SNX29: variants seen among roughly 807,000 people sequenced by gnomAD.
SNX29 encodes the protein sorting nexin-29.
SNX29 carries 78 observed loss-of-function variants against 102.1 expected under a neutral mutation model. The ratio of observed to expected loss-of-function variants is 0.76; its 90% confidence interval spans 0.64 to 0.92. The LOEUF (loss-of-function observed/expected upper bound fraction) is 0.92, where lower values mean the gene tolerates loss of function less well. SNX29 is among the 40% of genes least tolerant of loss of function. SNX29 has a pLI of 0.00. For missense variants in SNX29, 1,280 were observed against 1,061.7 expected (o/e 1.21, Z -2.86); for synonymous variants, 580 against 414.5 (o/e 1.40, Z -4.85).
At chr16:12,027,525 G>T in intron 4 of SNX29, 81 bp downstream of exon 4, 1 of 1,550,794 alleles carries the variant, frequency 6.4e-7, no homozygotes, top group Non-Finnish European at 8.7e-7. Context: ...TTAATAGTGG[G>T]CAGGGCAGTG....
intron 5 of SNX29, 21 bp downstream of exon 5, chr16:12,043,098 C>G (rs2049952055): frequency 6.2e-7 from 1 of 1,611,182 alleles, no homozygotes; most frequent in African/African-American, 1.3e-5. Flanking sequence ...GGGATGCGAA[C>G]TGGGATGGGA....
chr16:12,507,068 A>G (rs941099582), intron 19 of SNX29, among the ~76,000 whole-genome samples: 3 of 152,240 alleles, frequency 2.0e-5, no homozygotes, highest in Non-Finnish European at 4.4e-5. Context: ...TGATGATGAT[A>G]GCTAAGGTGA....
Position 12,573,559 on chromosome 16 carries a change from G to T in SNX29, c.*4930G>T, listed in dbSNP as rs140881705. Reference sequence around the variant, plus strand: ...GCGTAAGTGTTTTCCCATCCTAACCGGAAAACCACTCACCCAGGCTTCCCC... The same window carrying T: ...GCGTAAGTGTTTTCCCATCCTAACCTGAAAACCACTCACCCAGGCTTCCCC... On this transcript the variant is annotated 3_prime_UTR_variant, in exon 21 of 21. Coordinates refer to ENST00000566228, the MANE Select transcript of SNX29 (RefSeq NM_032167.5). The T allele has an allele frequency of 2.7e-4, 61 of 223,136 alleles. No individual in the cohort carries two copies. Among genetic ancestry groups the T allele is most frequent in the Non-Finnish European group, 5.0e-4 (56 of 111,670 alleles). 13.8% of individuals were successfully genotyped at this position (223,136 alleles called of 1,614,324 possible). A position where few individuals can be genotyped will look rare whatever the true frequency, so the allele number is the denominator to read the frequency against.
At chr16:12,295,298 C>T (rs2079942586) in intron 15 of SNX29, among the ~76,000 whole-genome samples, 1 of 152,230 alleles carries the variant, frequency 6.6e-6, no homozygotes, top group African/African-American at 2.4e-5. Flanking sequence ...AGGATACGCA[C>T]ACCCCACCAT....
rs535969554 is a variant in SNX29 at position 12,462,973 on chromosome 16, G to A, written c.2038-14746G>A. 7.2e-5 allele frequency among the ~76,000 whole-genome samples: 11 copies of A among 152,250 alleles called. No homozygotes were observed. The East Asian group carries it at 7.7e-4, about 11-fold the overall frequency. On this transcript the variant is annotated intron_variant, in intron 18 of 20. Transcript: ENST00000566228. Reference sequence around the variant, plus strand: ...TGGATCCCCCAGCAGCTTGATTGCCGGAAATTAGCTCCCATAGCAGTGACT... The same window carrying A: ...TGGATCCCCCAGCAGCTTGATTGCCAGAAATTAGCTCCCATAGCAGTGACT...
intron 19 of SNX29, among the ~76,000 whole-genome samples, chr16:12,524,355 G>A (rs1158506955): frequency 6.6e-6 from 1 of 151,720 alleles, no homozygotes; most frequent in Non-Finnish European, 1.5e-5. Flanking sequence ...GCTGGCCTGT[G>A]AACTCCACGA....
At chr16:12,535,727 C>T (rs2141204119) in intron 20 of SNX29, among the ~76,000 whole-genome samples, 1 of 152,198 alleles carries the variant, frequency 6.6e-6, no homozygotes, top group South Asian at 2.1e-4. Context: ...TAAACAAAGC[C>T]AGGCTTGGTC....
intron 1 of SNX29, chr16:11,983,763 C>A (rs1333349620): frequency 1.1e-6 from 1 of 943,212 alleles, no homozygotes; most frequent in East Asian, 1.2e-4. Context: ...GAACTAAAAT[C>A]CAAGATTTTA....
At chr16:12,418,348 A>G (rs1051837284) in intron 18 of SNX29, among the ~76,000 whole-genome samples, 3 of 151,046 alleles carry the variant, frequency 2.0e-5, no homozygotes, top group African/African-American at 7.3e-5. Context: ...TAGGATGTTC[A>G]TGTTGACGAT....
intron 18 of SNX29, among the ~76,000 whole-genome samples, chr16:12,440,355 C>T (rs904571174): frequency 6.6e-6 from 1 of 152,222 alleles, no homozygotes; most frequent in Admixed American, 6.5e-5. Context: ...CCTGGAGAAA[C>T]TCTGTGGCTG....
intron 20 of SNX29, among the ~76,000 whole-genome samples, chr16:12,553,763 C>G (rs747015945): frequency 7.3e-5 from 11 of 150,418 alleles, no homozygotes; most frequent in Non-Finnish European, 1.5e-4. Flanking sequence ...TAGTTTTTTT[C>G]CTTAAGTACA....
At position 12,574,026 on chromosome 16, in the gene SNX29, A is replaced by C. The variant is rs1219336406; in HGVS notation, c.*5397A>C. On this transcript the variant is annotated 3_prime_UTR_variant, in exon 21 of 21. Coordinates refer to ENST00000566228, the MANE Select transcript of SNX29 (RefSeq NM_032167.5). ...CCCCTTAAGGGTAAGCAGGCCACAT[A>C]TCTAGAGTCTGATAGTCTGTGTGTA... is the stretch of plus-strand genomic sequence containing the variant. 1 of 195,384 alleles carries C rather than the reference A, an allele frequency of 5.1e-6. No homozygotes were observed. Among genetic ancestry groups the C allele is most frequent in the South Asian group, 1.9e-4 (1 of 5,188 alleles). The allele number at this position is 195,384 out of a possible 1,614,324, so 12.1% of individuals were successfully genotyped here. A position where few individuals can be genotyped will look rare whatever the true frequency, so the allele number is the denominator to read the frequency against.
rs990516569 is a variant in SNX29, at chr16:12,570,482, G to C, written c.*1853G>C. ...GAAACGTCTAAAAGCTCAATCTGCT[G>C]TATGTCATGACCCCTTAGGTTGGGT... On this transcript the variant is annotated 3_prime_UTR_variant, in exon 21 of 21. Coordinates refer to ENST00000566228, the MANE Select transcript of SNX29 (RefSeq NM_032167.5). The C allele has an allele frequency of 1.7e-5, 4 of 233,506 alleles. No individual in the cohort carries two copies. The highest frequency in any genetic ancestry group is 2.5e-5 in the Non-Finnish European group (3 of 118,516). 14.5% of individuals were successfully genotyped at this position (233,506 alleles called of 1,614,324 possible).
intron 20 of SNX29, among the ~76,000 whole-genome samples, chr16:12,567,025 A>T (rs1253301120): frequency 6.6e-6 from 1 of 152,202 alleles, no homozygotes; most frequent in Non-Finnish European, 1.5e-5. Context: ...TTGTGAAGAG[A>T]TTCACTCCTG....
intron 14 of SNX29, among the ~76,000 whole-genome samples, chr16:12,274,757 C>G (rs1361506301): frequency 6.6e-6 from 1 of 152,090 alleles, no homozygotes; most frequent in Admixed American, 6.5e-5. Flanking sequence ...GGCTTGTATT[C>G]TATTTTGTTA....
chr16:11,989,733 A>G (rs552243355), intron 1 of SNX29, among the ~76,000 whole-genome samples: 1 of 152,258 alleles, frequency 6.6e-6, no homozygotes, highest in East Asian at 1.9e-4. Flanking sequence ...CCGAGAGCTC[A>G]CAATGCATAA....
At chr16:12,003,848 A>G (rs781413273) in intron 3 of SNX29, among the ~76,000 whole-genome samples, 2 of 151,904 alleles carry the variant, frequency 1.3e-5, no homozygotes, top group African/African-American at 2.4e-5. Context: ...CTCTACTGAA[A>G]ACACAAAAAT....
intron 15 of SNX29, among the ~76,000 whole-genome samples, chr16:12,290,040 G>T (rs1252140380): frequency 6.6e-6 from 1 of 152,146 alleles, no homozygotes; most frequent in Non-Finnish European, 1.5e-5. Flanking sequence ...AGGGCGGAGG[G>T]AGGGACTTGT....
rs369400729 is a variant in SNX29, at chr16:12,538,457, C to T, written c.2318+13616C>T. Among the ~76,000 whole-genome samples the T allele has an allele frequency of 2.5e-4, 38 of 152,246 alleles. 1 individual carries two copies. Among genetic ancestry groups the T allele is most frequent in the African/African-American group, 7.2e-4 (30 of 41,546 alleles). On this transcript the variant is annotated intron_variant, in intron 20 of 20. Transcript: ENST00000566228. ...GAATGGTTACTTGGTTTGGTTATCA[C>T]GTATCTCCTATGTTGATGCTGTGTA...
Sources: gnomAD v4.1 joint callset for allele counts (sites outside exome capture counted in the v4.1 genomes callset) on GRCh38, gnomAD v4.1.1 for gene constraint, MANE v1.5 for transcripts, NCBI Gene and HGNC (gene_info 2026-07-23, HGNC 2026-07-21) for gene names.